ADAM11: variants seen among roughly 807,000 people sequenced by gnomAD.
ADAM11 encodes disintegrin and metalloproteinase domain-containing protein 11.
In ADAM11, 49 loss-of-function variants were observed where a neutral mutation model predicts 119.1. The observed-to-expected ratio is 0.41, with a 90% confidence interval of 0.33 to 0.52. The LOEUF is 0.52. Among genes scored for constraint, ADAM11 ranks in the 20% least tolerant of loss-of-function variants. The probability of loss-of-function intolerance (pLI) is 0.20; values close to 1 mark genes in which losing one functional copy is unlikely to be tolerated. For missense variants in ADAM11, 777 were observed against 1,047.5 expected (o/e 0.74, Z 3.56); for synonymous variants, 364 against 408.0 (o/e 0.89, Z 1.30).
At position 44,777,436 on chromosome 17, in the gene ADAM11, G is replaced by A; in HGVS notation, c.1782-46G>A. 28 of 1,600,542 alleles carry A rather than the reference G, an allele frequency of 1.7e-5. No individual in the cohort carries two copies. The highest frequency in any genetic ancestry group is 2.4e-5 in the Non-Finnish European group (28 of 1,168,292). The stretch of plus-strand genomic sequence containing the variant: ...GGGCAGATTAGAGTTCAGTAGTTGA[G>A]TCTGAGGTCAAACTTGGGGCTCACT... On this transcript the variant is annotated intron_variant, in intron 21 of 26. Coordinates refer to ENST00000200557, the MANE Select transcript of ADAM11 (RefSeq NM_002390.6). This position sits in a 1 kb window ranked among gnomAD's most constrained non-coding sequence, Gnocchi z 5.1.
chr17:44,759,373 G>A (rs910755869), intron 1 of ADAM11, 113 bp downstream of exon 1: 22 of 1,267,308 alleles, frequency 1.7e-5, no homozygotes, highest in Non-Finnish European at 2.2e-5. Flanking sequence ...CAGCCGGTCC[G>A]GAGCGCGGGA....
At position 44,771,744 on chromosome 17, in the gene ADAM11, C is replaced by T; in HGVS notation, c.468-12C>T. The T allele has an allele frequency of 6.2e-7, 1 of 1,613,872 alleles. No homozygotes were observed. Among genetic ancestry groups the T allele is most frequent in the Non-Finnish European group, 8.5e-7 (1 of 1,179,848 alleles). On this transcript the variant is annotated splice_polypyrimidine_tract_variant and intron_variant, in intron 5 of 26. Transcript: ENST00000200557. ...CTGGGGACGGAGGGGAGCTGCGCCT[C>T]TCTCTCCACAGTGGGGTCTTCTCTG...
chr17:44,769,115 G>A (rs2049486053), intron 2 of ADAM11, among the ~76,000 whole-genome samples: 1 of 152,248 alleles, frequency 6.6e-6, no homozygotes. Context: ...GTGAGGCAGA[G>A]GGCAATGGAT....
chr17:44,774,459 T>G (rs1567693576), intron 12 of ADAM11, 33 bp from the exon 13 acceptor site: 4 of 1,607,250 alleles, frequency 2.5e-6, no homozygotes, highest in Non-Finnish European at 3.4e-6. Context: ...TTGGAAGATG[T>G]AGACATCTGT....
At chr17:44,774,422 A>G in intron 12 of ADAM11, 43 bp downstream of exon 12, 1 of 1,563,276 alleles carries the variant, frequency 6.4e-7, no homozygotes, top group South Asian at 1.2e-5. Context: ...GCTGAGGGAA[A>G]GGGGCTTCAG....
intron 2 of ADAM11, among the ~76,000 whole-genome samples, chr17:44,765,694 C>T (rs1283920446): frequency 1.5e-5 from 2 of 133,828 alleles, no homozygotes; most frequent in Non-Finnish European, 3.1e-5. Flanking sequence ...GATCTTGGCT[C>T]ACTGCAACCT....
chr17:44,764,290 G>A (rs1235278407), intron 2 of ADAM11, among the ~76,000 whole-genome samples: 1 of 152,212 alleles, frequency 6.6e-6, no homozygotes, highest in Non-Finnish European at 1.5e-5. Context: ...GGTGTGTGCT[G>A]CAACAGTGTT....
chr17:44,769,803 GGC>G lies in ADAM11; in HGVS notation c.314+10_314+11del. The G allele has an allele frequency of 6.2e-7, 1 of 1,613,860 alleles. No homozygotes were observed. The highest frequency in any genetic ancestry group is 8.5e-7 in the Non-Finnish European group (1 of 1,179,744). On this transcript the variant is annotated intron_variant, in intron 3 of 26. Coordinates refer to ENST00000200557, the MANE Select transcript of ADAM11 (RefSeq NM_002390.6). ...GACCTGGAGCTGAACCAGTGAGTGT[GGC>G]CTTGAGCCCAAGAGGAAGGGCAGTG... is the stretch of plus-strand genomic sequence containing the variant.
In ADAM11 at chr17:44,777,582, G is replaced by T. The variant is rs746870676; in HGVS notation, c.1882G>T (p.Gly628Cys). 2.5e-6 allele frequency: 4 copies of T among 1,614,156 alleles called. No homozygotes were observed. Among genetic ancestry groups the T allele is most frequent in the Non-Finnish European group, 3.4e-6 (4 of 1,180,028 alleles). Residue 628 changes from glycine to cysteine, a missense_variant, in exon 22 of 27, where the codon GGC becomes TGC. This residue lies in a region of ADAM11 where 348 missense variants were observed against 486.7 expected (regional missense o/e 0.72). Coordinates refer to ENST00000200557, the MANE Select transcript of ADAM11 (RefSeq NM_002390.6). The surrounding 1 kb of genome is among the most constrained non-coding windows in gnomAD (Gnocchi z 5.1). The stretch of plus-strand genomic sequence containing the variant: ...CAGTAGTGTCACCTTCTACCACCAG[G>T]GCAAGGAGCTGGACTGCAGGTGCTG... ...DISSVTFYHQ[G>C]KELDCRGGHV...
intron 2 of ADAM11, among the ~76,000 whole-genome samples, chr17:44,762,072 C>T (rs970467787): frequency 6.6e-6 from 1 of 152,208 alleles, no homozygotes; most frequent in South Asian, 2.1e-4. Flanking sequence ...GATCTGCCCA[C>T]CTCGGCCTCC....
chr17:44,769,847 A>G (rs769218979), intron 3 of ADAM11, 53 bp downstream of exon 3: 1 of 1,379,478 alleles, frequency 7.2e-7, no homozygotes, highest in Non-Finnish European at 1.0e-6. Flanking sequence ...CGGGGGAGAC[A>G]TGGCTAGGGC....
chr17:44,765,137 T>C lies in ADAM11; in HGVS notation c.238-4581T>C, dbSNP rs149281998. On this transcript the variant is annotated intron_variant, in intron 2 of 26. Transcript: ENST00000200557. The stretch of plus-strand genomic sequence containing the variant: ...TCATTGGAAATTTGTCTGGCTGTTC[T>C]CATTGCCTGGGAATCCCGCTGCCCT... Among the ~76,000 whole-genome samples, 1,136 of 151,552 alleles carry C rather than the reference T, an allele frequency of 7.5e-3. 8 individuals are homozygous for C. Among genetic ancestry groups the C allele is most frequent in the Non-Finnish European group, 0.013 (850 of 67,842 alleles).
At chr17:44,774,105 AAAAG>A (rs1042296991) in intron 11 of ADAM11, among the ~76,000 whole-genome samples, 186 bp from the exon 12 acceptor site, 6 of 151,788 alleles carry the variant, frequency 4.0e-5, no homozygotes, top group Non-Finnish European at 1.5e-5. Context: ...AGAAAAAAGA[AAAAG>A]AAAGAAAAAA....
chr17:44,778,804 G>A (rs1008744531), intron 25 of ADAM11, among the ~76,000 whole-genome samples: 4 of 151,738 alleles, frequency 2.6e-5, no homozygotes, highest in Non-Finnish European at 5.9e-5. Flanking sequence ...ACATGAAAAG[G>A]TTGAGCCCCA....
intron 11 of ADAM11, 102 bp from the exon 12 acceptor site, chr17:44,774,193 T>G (rs2049566600): frequency 4.4e-6 from 3 of 684,050 alleles, no homozygotes; most frequent in African/African-American, 1.9e-5. Flanking sequence ...GCTCACCTCC[T>G]GAGGAAGGAC....
At position 44,769,744 on chromosome 17, in the gene ADAM11, C is replaced by G; in HGVS notation, c.264C>G (p.Phe88Leu). 1 of 1,614,046 alleles carries G rather than the reference C, an allele frequency of 6.2e-7. No individual in the cohort carries two copies. The change falls in exon 3 of 27, where the codon TTC (phenylalanine) becomes TTG (leucine). Residue 88 changes from phenylalanine to leucine, a missense_variant. This residue lies in a region of ADAM11 where 278 missense variants were observed against 310.1 expected (regional missense o/e 0.90). Coordinates refer to ENST00000200557, the MANE Select transcript of ADAM11 (RefSeq NM_002390.6). ...GPPVHLAQVS[F>L]VIPAFNSNFT... ...CTGTCCATCTGGCCCAGGTGAGTTT[C>G]GTCATCCCAGCCTTCAACTCAAACT...
rs184161858 is a variant in ADAM11, at chr17:44,780,252, G to A, written c.*498G>A. Reference sequence around the variant, plus strand: ...GGGTGCTGGGGCCAGGGCAGATGTGGGGATGTTTTGACATTTACAGGAGGG... The same window carrying A: ...GGGTGCTGGGGCCAGGGCAGATGTGAGGATGTTTTGACATTTACAGGAGGG... On this transcript the variant is annotated 3_prime_UTR_variant, in exon 27 of 27. Transcript: ENST00000200557. 6.3e-4 allele frequency: 269 copies of A among 430,210 alleles called. No homozygotes were observed. Among genetic ancestry groups the A allele is most frequent in the African/African-American group, 2.6e-3 (126 of 48,204 alleles). The allele number at this position is 430,210 out of a possible 1,614,324, so 26.6% of individuals were successfully genotyped here.
chr17:44,778,265 GC>G lies in ADAM11; in HGVS notation c.2276+28del, dbSNP rs758503142. The G allele has an allele frequency of 1.0e-5, 16 of 1,601,262 alleles. No individual in the cohort carries two copies. In the African/African-American group the frequency reaches 1.2e-4, roughly 12 times the overall value. On this transcript the variant is annotated intron_variant, in intron 25 of 26. Transcript: ENST00000200557. Reference sequence around the variant, plus strand: ...TAAGTAAGAGACACACACACCCTGTGCCCCCTGGCATCCTTGAGGGGGGATC... The same window carrying G: ...TAAGTAAGAGACACACACACCCTGTGCCCCTGGCATCCTTGAGGGGGGATC...
In ADAM11 at chr17:44,772,806, G is replaced by C; in HGVS notation, c.679-51G>C. The C allele has an allele frequency of 6.4e-7, 1 of 1,560,376 alleles. No homozygotes were observed. The highest frequency in any genetic ancestry group is 8.8e-7 in the Non-Finnish European group (1 of 1,134,794). On this transcript the variant is annotated intron_variant, in intron 8 of 26. Coordinates refer to ENST00000200557, the MANE Select transcript of ADAM11 (RefSeq NM_002390.6). The surrounding 1 kb of genome is among the most constrained non-coding windows in gnomAD (Gnocchi z 4.5). ...GAGTCTGTTCCTGGCTTGGCCATGA[G>C]ATCAGTCAGACATGGAAGGGACTGA...
Sources: allele counts gnomAD v4.1 joint callset (sites outside exome capture counted in the v4.1 genomes callset), GRCh38; gene constraint gnomAD v4.1.1; regional missense constraint gnomAD v4.1.1; non-coding constraint Gnocchi (gnomAD v3.1); transcripts MANE v1.5; gene names NCBI Gene and HGNC (gene_info 2026-07-23, HGNC 2026-07-21).